The following EFL1 variants were observed in gnomAD, a reference collection of about 807,000 sequenced individuals.
EFL1 encodes elongation factor-like GTPase 1.
Under a neutral mutation model 126.7 loss-of-function variants are expected in EFL1, and 76 were observed. The observed-to-expected ratio is 0.60, with a 90% confidence interval of 0.50 to 0.73. The LOEUF (loss-of-function observed/expected upper bound fraction) is 0.73. Among genes scored for constraint, EFL1 ranks in the 30% least tolerant of loss-of-function variants. The probability of loss-of-function intolerance (pLI) is 0.00; values close to 1 mark genes in which losing one functional copy is unlikely to be tolerated. For synonymous variants in EFL1, 410 were observed against 448.4 expected, an observed-to-expected ratio of 0.91 and a Z score of 1.08; for missense variants, 1,128 against 1,343.2, an observed-to-expected ratio of 0.84 and a Z score of 2.50.
intron 15 of EFL1, among the ~76,000 whole-genome samples, chr15:82,202,549 C>T (rs911755475): frequency 6.6e-6 from 1 of 152,192 alleles, no homozygotes; most frequent in Middle Eastern, 3.4e-3. Flanking sequence ...ACAGGATCTT[C>T]GGAGCTGCCT....
At chr15:82,218,422 A>C (rs1179133927) in intron 14 of EFL1, among the ~76,000 whole-genome samples, 1 of 152,190 alleles carries the variant, frequency 6.6e-6, no homozygotes, top group Non-Finnish European at 1.5e-5. Flanking sequence ...GAGACACATA[A>C]GCAACTGATT....
intron 6 of EFL1, among the ~76,000 whole-genome samples, chr15:82,238,992 T>G (rs113287638): frequency 1.3e-5 from 2 of 152,164 alleles, no homozygotes; most frequent in Non-Finnish European, 2.9e-5. Flanking sequence ...AGTAATCTTA[T>G]GTCCTACCTC....
chr15:82,156,861 CTTTCA>C (rs1053165421), intron 17 of EFL1, among the ~76,000 whole-genome samples: 4 of 152,108 alleles, frequency 2.6e-5, no homozygotes, highest in Non-Finnish European at 4.4e-5. Flanking sequence ...CCATGAATAT[CTTTCA>C]TTTGTCTTCA....
At chr15:82,139,060 A>C (rs2073757352) in intron 18 of EFL1, among the ~76,000 whole-genome samples, 1 of 152,184 alleles carries the variant, frequency 6.6e-6, no homozygotes. Flanking sequence ...AAGTTAAATC[A>C]CCCCAAACTA....
intron 16 of EFL1, 35 bp from the exon 17 acceptor site, chr15:82,157,895 A>C (rs753120805): frequency 1.9e-6 from 3 of 1,594,102 alleles, no homozygotes; most frequent in Non-Finnish European, 2.6e-6. Context: ...TAAATATGAT[A>C]TAAGAACTAA....
intron 16 of EFL1, among the ~76,000 whole-genome samples, chr15:82,162,663 C>T (rs1031926454): frequency 2.6e-5 from 4 of 152,128 alleles, no homozygotes; most frequent in South Asian, 2.1e-4. Flanking sequence ...ATTCCTATCT[C>T]GAGGCTGAAG....
chr15:82,180,384 C>A (rs7165141), intron 15 of EFL1, among the ~76,000 whole-genome samples: 31,060 of 100,546 alleles, frequency 0.31, 3,748 homozygotes, highest in African/African-American at 0.41. Context: ...AAAAAAAAAA[C>A]AAACAAAAAA....
intron 19 of EFL1, 106 bp from the exon 20 acceptor site, chr15:82,130,667 A>C: frequency 8.1e-7 from 1 of 1,228,692 alleles, no homozygotes; most frequent in Non-Finnish European, 1.1e-6. Flanking sequence ...AAAAAAAGTT[A>C]GGCAATGAAC....
At chr15:82,156,646 G>A (rs942394876) in intron 17 of EFL1, among the ~76,000 whole-genome samples, 1 of 141,222 alleles carries the variant, frequency 7.1e-6, no homozygotes, top group African/African-American at 3.0e-5. Flanking sequence ...TACTACCACC[G>A]ATTTTACTGT....
Position 82,138,819 on chromosome 15 carries a change from T to C in EFL1, c.3013A>G (p.Lys1005Glu), listed in dbSNP as rs1466452443. 1.2e-6 allele frequency: 2 copies of C among 1,613,684 alleles called. No homozygotes were observed. Among genetic ancestry groups the C allele is most frequent in the African/African-American group, 2.7e-5 (2 of 74,880 alleles). ...TCTTGAAGTACCCGACCTTCTCTCT[T>C]TGACAAGACAGCATAGACTCGACCT... Reference protein sequence around the residue: ...VLGRVYAVLSKREGRVLQEEM... With the variant: ...VLGRVYAVLSEREGRVLQEEM... Residue 1005 changes from lysine (K) to glutamate (E), a missense_variant, in exon 19 of 20, where the codon AAG (lysine) becomes GAG (glutamate). Coordinates refer to ENST00000268206, the MANE Select transcript of EFL1 (RefSeq NM_024580.6).
intron 15 of EFL1, among the ~76,000 whole-genome samples, chr15:82,189,801 T>C (rs954412170): frequency 5.9e-5 from 9 of 152,174 alleles, no homozygotes; most frequent in African/African-American, 2.2e-4. Flanking sequence ...CTATTTTTCA[T>C]GTTTCCAGTC....
At chr15:82,149,140 G>A (rs959537657) in intron 18 of EFL1, among the ~76,000 whole-genome samples, 2 of 152,118 alleles carry the variant, frequency 1.3e-5, no homozygotes, top group Non-Finnish European at 2.9e-5. Flanking sequence ...TAAGATGGTG[G>A]TGATGTGACT....
At chr15:82,259,203 G>T (rs566900243) in intron 2 of EFL1, 48 bp from the exon 3 acceptor site, 7 of 1,513,998 alleles carry the variant, frequency 4.6e-6, no homozygotes, top group South Asian at 1.1e-5. Flanking sequence ...TTTTAAAAGG[G>T]GTCATGGATC....
chr15:82,157,412 T>C (rs1352345246), intron 17 of EFL1: 3 of 212,984 alleles, frequency 1.4e-5, no homozygotes, highest in African/African-American at 2.3e-5. Context: ...AATAATATCT[T>C]GTTTTGTTGT....
At chr15:82,199,694 G>A (rs1335830406) in intron 15 of EFL1, among the ~76,000 whole-genome samples, 2 of 152,268 alleles carry the variant, frequency 1.3e-5, no homozygotes, top group African/African-American at 4.8e-5. Context: ...CATGTATTAT[G>A]CATAGATAGA....
At chr15:82,216,042 T>C (rs2074642499) in intron 14 of EFL1, among the ~76,000 whole-genome samples, 1 of 152,078 alleles carries the variant, frequency 6.6e-6, no homozygotes, top group Non-Finnish European at 1.5e-5. Flanking sequence ...GTGGCAAAAA[T>C]GCAAGATCAA....
intron 15 of EFL1, among the ~76,000 whole-genome samples, chr15:82,178,839 C>A (rs1190844405): frequency 3.9e-5 from 6 of 152,126 alleles, no homozygotes; most frequent in Non-Finnish European, 8.8e-5. Context: ...GTTTGCATTA[C>A]TATTCTCCAT....
chr15:82,219,925 GAAAAAA>G, intron 13 of EFL1, 107 bp from the exon 14 acceptor site: 1 of 1,472,050 alleles, frequency 6.8e-7, no homozygotes, highest in African/African-American at 1.4e-5. Flanking sequence ...CAAGTTTCAG[GAAAAAA>G]AAGAAAACAA....
At chr15:82,144,948 G>A (rs1257203690) in intron 18 of EFL1, among the ~76,000 whole-genome samples, 2 of 151,320 alleles carry the variant, frequency 1.3e-5, no homozygotes, top group East Asian at 3.9e-4. Flanking sequence ...AGCCAGGATC[G>A]TGCCACTGTA....
Sources: allele counts gnomAD v4.1 joint callset (sites outside exome capture counted in the v4.1 genomes callset), GRCh38; gene constraint gnomAD v4.1.1; transcripts MANE v1.5; gene names NCBI Gene and HGNC (gene_info 2026-07-23, HGNC 2026-07-21).